Variants in TSPEAR observed in about 807,000 individuals in gnomAD.
The protein encoded by TSPEAR is thrombospondin-type laminin G domain and EAR repeat-containing protein.
In TSPEAR, 69 loss-of-function variants were observed where a neutral mutation model predicts 71.6. That is an observed-to-expected ratio of 0.96 (90% confidence interval 0.79 to 1.18). The LOEUF (loss-of-function observed/expected upper bound fraction) is 1.18, where lower values mean the gene tolerates loss of function less well. Ranked by LOEUF, TSPEAR falls within the 50% of genes most tolerant of loss-of-function variation. TSPEAR has a pLI of 0.00. For missense variants in TSPEAR, 971 were observed against 894.9 expected, an observed-to-expected ratio of 1.09 and a Z score of -1.09; for synonymous variants, 402 against 387.2, an observed-to-expected ratio of 1.04 and a Z score of -0.45.
At chr21:44,579,983 C>T in intron 1 of TSPEAR, 1 of 1,613,156 alleles carries the variant, frequency 6.2e-7, no homozygotes, top group Admixed American at 1.7e-5. Flanking sequence ...CTGCTGGCAG[C>T]ATGAAGTGGA....
chr21:44,652,229 C>T (rs923561680), intron 1 of TSPEAR, among the ~76,000 whole-genome samples: 11 of 152,188 alleles, frequency 7.2e-5, no homozygotes, highest in South Asian at 2.1e-4. Context: ...GTGATCCGCC[C>T]GCCTCGGCCT....
At chr21:44,683,778 C>A (rs1986731027) in intron 1 of TSPEAR, among the ~76,000 whole-genome samples, 1 of 152,138 alleles carries the variant, frequency 6.6e-6, no homozygotes, top group Admixed American at 6.5e-5. Flanking sequence ...TGACTGTAAG[C>A]AGCTATTATA....
At position 44,710,616 on chromosome 21, in the gene TSPEAR, C is replaced by T. The variant is rs1555953413; in HGVS notation, c.82+817G>A. On this transcript the variant is annotated intron_variant, in intron 1 of 11. Transcript: ENST00000323084. The surrounding 1 kb of genome is among the most constrained non-coding windows in gnomAD (Gnocchi z 4.6). Reference sequence around the variant, plus strand: ...AAACCAGAAGCGCAAGCCATCTCCTCGCCTCCCCTGATAGCCGTGCTGCGG... The same window carrying T: ...AAACCAGAAGCGCAAGCCATCTCCTTGCCTCCCCTGATAGCCGTGCTGCGG... 6.6e-6 allele frequency among the ~76,000 whole-genome samples: 1 copy of T among 152,220 alleles called. No individual in the cohort carries two copies.
At position 44,593,508 on chromosome 21, in the gene TSPEAR, G is replaced by T. The variant is rs755762664; in HGVS notation, c.83-25503C>A. Among the ~76,000 whole-genome samples, 117 of 152,248 alleles carry T rather than the reference G, an allele frequency of 7.7e-4. No homozygotes were observed. Among genetic ancestry groups the T allele is most frequent in the Non-Finnish European group, 1.5e-3 (100 of 68,018 alleles). ...ACATAAAATCCTAAGCCCCTCAACTGACTAAATGGATCCCATCTTGCCCAC... is the reference window on the plus strand; with the variant it reads ...ACATAAAATCCTAAGCCCCTCAACTTACTAAATGGATCCCATCTTGCCCAC... On this transcript the variant is annotated intron_variant, in intron 1 of 11. Transcript: ENST00000323084. This position sits in a 1 kb window ranked among gnomAD's most constrained non-coding sequence, Gnocchi z 5.9.
Position 44,525,792 on chromosome 21 carries a change from C to A in TSPEAR, c.1197G>T (p.Glu399Asp). 3.1e-6 allele frequency: 5 copies of A among 1,614,194 alleles called. No individual in the cohort carries two copies. The highest frequency in any genetic ancestry group is 4.2e-6 in the Non-Finnish European group (5 of 1,180,042). ...ANFEPDEKGQ[E>D]FSVIYKWSHR... ...GGCTCCATTTGTAAATGACAGAGAACTCCTGACCCTTCTCATCTGGTTCAA... is the reference window on the plus strand; with the variant it reads ...GGCTCCATTTGTAAATGACAGAGAAATCCTGACCCTTCTCATCTGGTTCAA... Residue 399 changes from glutamate (E) to aspartate (D), a missense_variant, in exon 8 of 12, where the codon GAG (glutamate) becomes GAT (aspartate). Glu to Asp is a conservative substitution (Grantham distance 45, BLOSUM62 2). Transcript: ENST00000323084.
chr21:44,515,338 C>T (rs2052532023), intron 9 of TSPEAR, among the ~76,000 whole-genome samples: 1 of 152,238 alleles, frequency 6.6e-6, no homozygotes, highest in African/African-American at 2.4e-5. Flanking sequence ...TTCCCAGGGC[C>T]CTCCTAAGGC....
chr21:44,626,561 A>C (rs587703402), intron 1 of TSPEAR, among the ~76,000 whole-genome samples: 3 of 152,340 alleles, frequency 2.0e-5, no homozygotes, highest in Non-Finnish European at 4.4e-5. Context: ...CCTGCCCTGG[A>C]ACAGAGTCCT....
At chr21:44,650,475 T>C (rs9976889) in intron 1 of TSPEAR, among the ~76,000 whole-genome samples, 76 of 20,392 alleles carry the variant, frequency 3.7e-3, no homozygotes, top group Non-Finnish European at 5.8e-3. Context: ...GGCCACGTGA[T>C]GACGGAGGCA....
intron 1 of TSPEAR, among the ~76,000 whole-genome samples, chr21:44,589,332 C>T (rs1354752978): frequency 2.0e-5 from 3 of 152,166 alleles, no homozygotes; most frequent in Non-Finnish European, 4.4e-5. Context: ...TGTGGATGGG[C>T]TGTGTTTTGC....
chr21:44,697,178 A>G, intron 1 of TSPEAR: 1 of 1,606,710 alleles, frequency 6.2e-7, no homozygotes, highest in Non-Finnish European at 8.5e-7. Flanking sequence ...CCCCAGCTCA[A>G]CCCCCAGCAC....
At chr21:44,525,608 C>A in intron 8 of TSPEAR, 45 bp downstream of exon 8, 1 of 1,595,824 alleles carries the variant, frequency 6.3e-7, no homozygotes, top group Non-Finnish European at 8.6e-7. Context: ...CTCGCTCTGC[C>A]CCTGGAATGG....
At chr21:44,552,377 A>C (rs1076848) in intron 2 of TSPEAR, among the ~76,000 whole-genome samples, 88,785 of 152,018 alleles carry the variant, frequency 0.58, 26,380 homozygotes, top group South Asian at 0.72. Context: ...CATGGCCTGA[A>C]GCTGGTTCTC....
intron 1 of TSPEAR, among the ~76,000 whole-genome samples, chr21:44,618,054 C>T (rs974513769): frequency 3.9e-5 from 6 of 152,210 alleles, no homozygotes; most frequent in Non-Finnish European, 8.8e-5. Context: ...CACAGAACAT[C>T]AGAAACTGGC....
At position 44,676,274 on chromosome 21, in the gene TSPEAR, G is replaced by T. The variant is rs1021539231; in HGVS notation, c.82+35159C>A. On this transcript the variant is annotated intron_variant, in intron 1 of 11. Transcript: ENST00000323084. The stretch of plus-strand genomic sequence containing the variant: ...AGGGTCTCTTCACTGTACACCCCAT[G>T]GGTCAGGGACTCTGGAGGGATAGCT... 4.1e-5 allele frequency: 51 copies of T among 1,256,338 alleles called. No homozygotes were observed. In the East Asian group the frequency reaches 1.1e-3, roughly 27 times the overall value. The allele number at this position is 1,256,338 out of a possible 1,614,324, so 77.8% of individuals were successfully genotyped here. A position where few individuals can be genotyped will look rare whatever the true frequency, so the allele number is the denominator to read the frequency against.
At chr21:44,559,559 C>T in intron 2 of TSPEAR, among the ~76,000 whole-genome samples, 1 of 152,182 alleles carries the variant, frequency 6.6e-6, no homozygotes, top group South Asian at 2.1e-4. Flanking sequence ...TTGGGAGCTC[C>T]AAGGTCTCTT....
chr21:44,694,904 G>T (rs1022976708), intron 1 of TSPEAR, among the ~76,000 whole-genome samples: 1 of 152,314 alleles, frequency 6.6e-6, no homozygotes, highest in South Asian at 2.1e-4. Flanking sequence ...AGGACACTCC[G>T]GGTGGAATGG....
At chr21:44,562,855 G>A (rs999593983) in intron 2 of TSPEAR, among the ~76,000 whole-genome samples, 3 of 152,146 alleles carry the variant, frequency 2.0e-5, no homozygotes, top group African/African-American at 7.2e-5. Context: ...TGCATCTTAC[G>A]AGTCATACTA....
At chr21:44,551,601 C>T (rs2053442072) in intron 2 of TSPEAR, 26 of 1,177,684 alleles carry the variant, frequency 2.2e-5, no homozygotes, top group Non-Finnish European at 3.1e-5. Context: ...GCAGGAGACT[C>T]AGCAACGCCC....
chr21:44,693,171 G>T (rs1455644889), intron 1 of TSPEAR, among the ~76,000 whole-genome samples: 1 of 152,146 alleles, frequency 6.6e-6, no homozygotes, highest in Admixed American at 6.5e-5. Flanking sequence ...AAAGAATGAA[G>T]TTGGGCCCTT....
Sources: allele counts gnomAD v4.1 joint callset (sites outside exome capture counted in the v4.1 genomes callset), GRCh38; gene constraint gnomAD v4.1.1; non-coding constraint Gnocchi (gnomAD v3.1); transcripts MANE v1.5; gene names NCBI Gene and HGNC (gene_info 2026-07-23, HGNC 2026-07-21).